RCAN1: variants seen among roughly 807,000 people sequenced by gnomAD.
RCAN1 encodes the protein regulator of calcineurin 1, also known as calcipressin-1.
Under a neutral mutation model 22.9 loss-of-function variants are expected in RCAN1, and 11 were observed. The ratio of observed to expected loss-of-function variants is 0.48; its 90% confidence interval spans 0.30 to 0.79. RCAN1 has a LOEUF of 0.79. Among genes scored for constraint, RCAN1 ranks in the 30% least tolerant of loss-of-function variants. The pLI is 0.06. For synonymous variants in RCAN1, 136 were observed against 142.3 expected, an observed-to-expected ratio of 0.96 and a Z score of 0.32; for missense variants, 291 against 337.8, an observed-to-expected ratio of 0.86 and a Z score of 1.09.
At chr21:34,536,865 T>C (rs1985695392) in intron 1 of RCAN1, among the ~76,000 whole-genome samples, 10 of 152,180 alleles carry the variant, frequency 6.6e-5, no homozygotes, top group Admixed American at 6.5e-4. Context: ...AGGTCAGAAA[T>C]GGTTTTCTGT....
intron 1 of RCAN1, among the ~76,000 whole-genome samples, chr21:34,542,660 G>A (rs1464895536): frequency 6.6e-6 from 1 of 152,214 alleles, no homozygotes; most frequent in Admixed American, 6.5e-5. Flanking sequence ...CAGCCATTAC[G>A]TTTTGGGTGG....
At chr21:34,607,732 A>T (rs1422467015) in intron 1 of RCAN1, among the ~76,000 whole-genome samples, 2 of 152,220 alleles carry the variant, frequency 1.3e-5, no homozygotes, top group African/African-American at 2.4e-5. Context: ...AAAAGTTTCC[A>T]AATTAAAAAA....
At chr21:34,558,617 C>T (rs7278771) in intron 1 of RCAN1, among the ~76,000 whole-genome samples, 18,282 of 148,694 alleles carry the variant, frequency 0.12, 1,105 homozygotes, top group Middle Eastern at 0.16. Flanking sequence ...GAAAATCTGG[C>T]CATCTCAAAC....
chr21:34,607,009 T>C (rs8134779), intron 1 of RCAN1, among the ~76,000 whole-genome samples: 115,158 of 152,160 alleles, frequency 0.76, 43,864 homozygotes, highest in East Asian at 0.96. Context: ...AATTAAATAA[T>C]ATTTTTGTCT....
At chr21:34,556,150 G>T (rs955173909) in intron 1 of RCAN1, among the ~76,000 whole-genome samples, 23 of 149,078 alleles carry the variant, frequency 1.5e-4, no homozygotes, top group African/African-American at 5.4e-4. Flanking sequence ...GAGGCTAGGT[G>T]AGGTGGTACA....
At chr21:34,523,439 G>T in intron 2 of RCAN1, 98 bp downstream of exon 2, 1 of 1,178,142 alleles carries the variant, frequency 8.5e-7, no homozygotes, top group Non-Finnish European at 1.2e-6. Flanking sequence ...AAGTCTCAGA[G>T]TTTCCGGTCA....
At chr21:34,529,213 G>C (rs1006620029) in intron 1 of RCAN1, among the ~76,000 whole-genome samples, 3 of 152,176 alleles carry the variant, frequency 2.0e-5, no homozygotes, top group Admixed American at 6.5e-5. Flanking sequence ...AAAAATCACT[G>C]GTTCACAAAT....
chr21:34,525,444 T>A, intron 1 of RCAN1: 1 of 1,384,948 alleles, frequency 7.2e-7, no homozygotes. Context: ...TTTCCCCACC[T>A]CTCTTGAGCA....
chr21:34,591,884 G>C (rs117012899), intron 1 of RCAN1, among the ~76,000 whole-genome samples: 2,229 of 152,298 alleles, frequency 0.015, 25 homozygotes, highest in Non-Finnish European at 0.023. Context: ...GCTCTAAAAA[G>C]TGCCATCAAG....
At position 34,518,159 on chromosome 21, in the gene RCAN1, C is replaced by T. The variant is rs1274630420; in HGVS notation, c.684G>A (p.Met228Ile). 1 of 1,614,108 alleles carries T rather than the reference C, an allele frequency of 6.2e-7. No individual in the cohort carries two copies. Among genetic ancestry groups the T allele is most frequent in the African/African-American group, 1.3e-5 (1 of 74,940 alleles). Residue 228 changes from methionine to isoleucine, a missense_variant, in exon 4 of 4, where the codon ATG (methionine) becomes ATA (isoleucine). Physicochemically the swap from Met to Ile is conservative, Grantham distance 10. Transcript: ENST00000313806. The surrounding 1 kb of genome is among the most constrained non-coding windows in gnomAD (Gnocchi z 4.2). Reference protein sequence around the residue: ...SDQEKEEEEEMERMRRPKPKI... With the variant: ...SDQEKEEEEEIERMRRPKPKI... ...TTGGCTTAGGTCTCCTCATTCTTTC[C>T]ATTTCCTCTTCTTCCTCCTTCTCTT...
At chr21:34,600,806 T>C (rs953936852) in intron 1 of RCAN1, among the ~76,000 whole-genome samples, 1 of 152,262 alleles carries the variant, frequency 6.6e-6, no homozygotes, top group African/African-American at 2.4e-5. Flanking sequence ...CATACTATAG[T>C]GAAATTAATA....
intron 1 of RCAN1, among the ~76,000 whole-genome samples, chr21:34,566,608 C>T (rs1259181848): frequency 3.3e-5 from 5 of 152,148 alleles, no homozygotes; most frequent in African/African-American, 7.2e-5. Context: ...AAACTCACTT[C>T]ACTGTTCTCT....
intron 2 of RCAN1, chr21:34,522,822 A>C (rs1195710768): frequency 6.6e-6 from 1 of 152,064 alleles, no homozygotes; most frequent in African/African-American, 2.4e-5. Context: ...CTTCCCTGAC[A>C]ATCTGTCAGC....
Position 34,614,343 on chromosome 21 carries a change from C to T in RCAN1, c.252+417G>A. 1 of 990,590 alleles carries T rather than the reference C, an allele frequency of 1.0e-6. No individual in the cohort carries two copies. The highest frequency in any genetic ancestry group is 1.2e-6 in the Non-Finnish European group (1 of 833,472). The allele number at this position is 990,590 out of a possible 1,614,324, so 61.4% of individuals were successfully genotyped here. A position where few individuals can be genotyped will look rare whatever the true frequency, so the allele number is the denominator to read the frequency against. On this transcript the variant is annotated intron_variant, in intron 1 of 3. Coordinates refer to ENST00000313806, the MANE Select transcript of RCAN1 (RefSeq NM_004414.7). This position sits in a 1 kb window ranked among gnomAD's most constrained non-coding sequence, Gnocchi z 6.0. ...GCAGGGACGTCGTCCTATTTATGAA[C>T]ACTGAGTCACGTCGCCGCTCAATGT...
chr21:34,598,048 A>G (rs2300392), intron 1 of RCAN1, among the ~76,000 whole-genome samples: 1 of 152,088 alleles, frequency 6.6e-6, no homozygotes, highest in Non-Finnish European at 1.5e-5. Flanking sequence ...GATGGCTTAC[A>G]TAAGTAGAAT....
At chr21:34,537,001 G>A (rs1209415178) in intron 1 of RCAN1, among the ~76,000 whole-genome samples, 1 of 152,186 alleles carries the variant, frequency 6.6e-6, no homozygotes, top group East Asian at 1.9e-4. Context: ...TCCCAACAGG[G>A]CACTGCAAAC....
intron 1 of RCAN1, among the ~76,000 whole-genome samples, chr21:34,580,399 G>A (rs75131816): frequency 0.07 from 10,589 of 152,250 alleles, 463 homozygotes; most frequent in East Asian, 0.15. Context: ...TGGCTGGCAC[G>A]GGTGGCCATG....
rs564634266 is a variant in RCAN1 at position 34,556,402 on chromosome 21, G to A, written c.253-32692C>T. Among the ~76,000 whole-genome samples, 631 of 148,060 alleles carry A rather than the reference G, an allele frequency of 4.3e-3. 2 individuals are homozygous for A. Among genetic ancestry groups the A allele is most frequent in the African/African-American group, 0.015 (604 of 40,332 alleles). ...GATCGTGCCACTGCACTCCAGCCTG[G>A]GTGACAGACTGAGACCTTGTCTCAA... On this transcript the variant is annotated intron_variant, in intron 1 of 3. Coordinates refer to ENST00000313806, the MANE Select transcript of RCAN1 (RefSeq NM_004414.7).
chr21:34,558,177 AT>A (rs1986653721), intron 1 of RCAN1, among the ~76,000 whole-genome samples: 1 of 152,108 alleles, frequency 6.6e-6, no homozygotes, highest in Non-Finnish European at 1.5e-5. Flanking sequence ...CATAAAAGAG[AT>A]TCTCCCTCTC....
Sources: allele counts gnomAD v4.1 joint callset (sites outside exome capture counted in the v4.1 genomes callset), GRCh38; gene constraint gnomAD v4.1.1; non-coding constraint Gnocchi (gnomAD v3.1); transcripts MANE v1.5; gene names NCBI Gene and HGNC (gene_info 2026-07-23, HGNC 2026-07-21).